The following EVI5 variants were observed in gnomAD, a reference collection of about 807,000 sequenced individuals.
EVI5 encodes ecotropic viral integration site 5, also known as ecotropic viral integration site 5 protein homolog.
Under a neutral mutation model 112.0 loss-of-function variants are expected in EVI5, and 73 were observed. That is an observed-to-expected ratio of 0.65 (90% CI 0.54 to 0.79). The LOEUF is 0.79. EVI5 is among the 30% of genes least tolerant of loss of function. EVI5 has a pLI of 0.00. For synonymous variants in EVI5, 305 were observed against 319.9 expected, an observed-to-expected ratio of 0.95 and a Z score of 0.50; for missense variants, 900 against 968.8, an observed-to-expected ratio of 0.93 and a Z score of 0.94.
At chr1:92,637,693 A>G (rs186459630) in intron 13 of EVI5, among the ~76,000 whole-genome samples, 20 of 152,286 alleles carry the variant, frequency 1.3e-4, no homozygotes, top group Non-Finnish European at 8.8e-5. Flanking sequence ...AAGTCATAAA[A>G]AACAATCTTC....
chr1:92,640,810 C>T (rs886981000), intron 13 of EVI5, among the ~76,000 whole-genome samples: 16 of 152,156 alleles, frequency 1.1e-4, no homozygotes, highest in East Asian at 5.8e-4. Context: ...TTTACAATAG[C>T]GAAGAGTTGG....
chr1:92,783,847 AAG>A (rs1685245574), intron 1 of EVI5, among the ~76,000 whole-genome samples: 1 of 151,542 alleles, frequency 6.6e-6, no homozygotes, highest in Admixed American at 6.6e-5. Flanking sequence ...GAAAAAGAAA[AAG>A]AGCTTCTGGT....
At chr1:92,692,157 G>A (rs1669591694) in intron 9 of EVI5, among the ~76,000 whole-genome samples, 1 of 152,148 alleles carries the variant, frequency 6.6e-6, no homozygotes, top group South Asian at 2.1e-4. Context: ...GGGAGAGCAC[G>A]AATAAGGAAG....
At chr1:92,530,298 T>C (rs566335632) in intron 19 of EVI5, among the ~76,000 whole-genome samples, 4 of 152,244 alleles carry the variant, frequency 2.6e-5, no homozygotes, top group African/African-American at 4.8e-5. Context: ...TCAGGACTTA[T>C]AGATACAACC....
intron 7 of EVI5, 52 bp downstream of exon 7, chr1:92,695,258 A>ACTCAGTGACCCCTTTGCTCAG (rs1553246741): frequency 2.0e-6 from 3 of 1,512,470 alleles, no homozygotes; most frequent in Non-Finnish European, 1.8e-6. Context: ...GCTCTCACTA[A>ACTCAGTGACCCCTTTGCTCAG]CTCAGTGACC....
intron 1 of EVI5, among the ~76,000 whole-genome samples, chr1:92,759,494 T>C (rs1284518439): frequency 1.3e-5 from 2 of 152,176 alleles, no homozygotes; most frequent in South Asian, 2.1e-4. Context: ...CATATAAAAT[T>C]TGCCATTCTC....
chr1:92,633,841 G>A (rs1261526449), intron 14 of EVI5, among the ~76,000 whole-genome samples: 1 of 152,222 alleles, frequency 6.6e-6, no homozygotes, highest in African/African-American at 2.4e-5. Flanking sequence ...TCCATGTTTA[G>A]TGCTTCCTTC....
In EVI5 at chr1:92,715,294, C is replaced by A. The variant is rs544652800; in HGVS notation, c.150-10550G>T. On this transcript the variant is annotated intron_variant, in intron 2 of 19. Coordinates refer to ENST00000684568, the MANE Select transcript of EVI5 (RefSeq NM_001350197.2). ...AAAGTGCTGGGATTACAGGCATAAG[C>A]CACCGTGCCCTGACAGTTTCAATGA... Among the ~76,000 whole-genome samples the A allele has an allele frequency of 5.3e-5, 8 of 152,270 alleles. No individual in the cohort carries two copies. In the East Asian group the frequency reaches 7.7e-4, roughly 15 times the overall value.
At chr1:92,526,216 G>A (rs190563174) in intron 19 of EVI5, among the ~76,000 whole-genome samples, 214 of 152,206 alleles carry the variant, frequency 1.4e-3, no homozygotes, top group Admixed American at 2.4e-3. Context: ...GTGCCACCAC[G>A]CCCAGCTAAT....
chr1:92,697,872 T>C lies in EVI5; in HGVS notation c.753A>G (p.Glu251=), dbSNP rs920857230. ...AELGLCMYQF[E]CMIQEHLPEL... ...ACTGCACTTTTACCTGTATCATACA[T>C]TCAAACTGGTACATACAAAGGCCCA... Residue 251 remains glutamate, a synonymous_variant, in exon 6 of 20, where the codon GAA becomes GAG. Coordinates refer to ENST00000684568, the MANE Select transcript of EVI5 (RefSeq NM_001350197.2). 1.9e-6 allele frequency: 3 copies of C among 1,612,802 alleles called. No individual in the cohort carries two copies. The highest frequency in any genetic ancestry group is 1.3e-5 in the African/African-American group (1 of 75,028).
intron 19 of EVI5, among the ~76,000 whole-genome samples, chr1:92,559,153 A>G (rs1237164518): frequency 6.6e-6 from 1 of 152,182 alleles, no homozygotes; most frequent in African/African-American, 2.4e-5. Context: ...TGCAATATAA[A>G]CTGTTATACT....
At chr1:92,598,046 G>A (rs371721878) in intron 18 of EVI5, among the ~76,000 whole-genome samples, 1 of 152,246 alleles carries the variant, frequency 6.6e-6, no homozygotes, top group East Asian at 1.9e-4. Context: ...GCAACAAAGT[G>A]AGACCTTTTT....
At chr1:92,546,419 C>T (rs774125312) in intron 19 of EVI5, among the ~76,000 whole-genome samples, 2 of 152,114 alleles carry the variant, frequency 1.3e-5, no homozygotes, top group African/African-American at 2.4e-5. Flanking sequence ...AAAAAATAGG[C>T]TGGGCGCGGT....
chr1:92,691,082 A>G (rs1478125331), intron 9 of EVI5, among the ~76,000 whole-genome samples: 1 of 152,244 alleles, frequency 6.6e-6, no homozygotes. Context: ...TTAAAAAAGA[A>G]GATTGGAATA....
At position 92,513,165 on chromosome 1, in the gene EVI5, T is replaced by C. The variant is rs200861770; in HGVS notation, c.*491A>G. The C allele has an allele frequency of 1.2e-4, 17 of 144,766 alleles. No homozygotes were observed. The highest frequency in any genetic ancestry group is 4.4e-4 in the African/African-American group (17 of 38,948). The allele number at this position is 144,766 out of a possible 1,614,324, so 9.0% of individuals were successfully genotyped here. The stretch of plus-strand genomic sequence containing the variant: ...TCTGTCTTAAAAAAAAAAACAACAA[T>C]AAAAAAAAAAACACAAGGTAAATCA... On this transcript the variant is annotated 3_prime_UTR_variant, in exon 20 of 20. Transcript: ENST00000684568.
intron 18 of EVI5, among the ~76,000 whole-genome samples, chr1:92,588,247 A>G (rs1673128512): frequency 6.6e-6 from 1 of 152,232 alleles, no homozygotes; most frequent in Admixed American, 6.5e-5. Context: ...TCCCATGCTC[A>G]AAACCCTCCA....
intron 2 of EVI5, among the ~76,000 whole-genome samples, chr1:92,708,734 G>C (rs1295445389): frequency 6.6e-6 from 1 of 151,860 alleles, no homozygotes; most frequent in Non-Finnish European, 1.5e-5. Flanking sequence ...CTGATGAATG[G>C]ATTAAAAAAA....
At chr1:92,601,450 C>T (rs1381825031) in intron 18 of EVI5, among the ~76,000 whole-genome samples, 1 of 152,158 alleles carries the variant, frequency 6.6e-6, no homozygotes, top group Non-Finnish European at 1.5e-5. Flanking sequence ...GACATGCAAC[C>T]AACCTAAATG....
chr1:92,611,999 G>C (rs765380220), intron 16 of EVI5, among the ~76,000 whole-genome samples: 3 of 151,932 alleles, frequency 2.0e-5, no homozygotes, highest in Non-Finnish European at 4.4e-5. Flanking sequence ...ATCCAGATAA[G>C]CTCTGACTCC....
Sources: allele counts gnomAD v4.1 joint callset (sites outside exome capture counted in the v4.1 genomes callset), GRCh38; gene constraint gnomAD v4.1.1; transcripts MANE v1.5; gene names NCBI Gene and HGNC (gene_info 2026-07-23, HGNC 2026-07-21).